CATSPERB: variants seen among roughly 807,000 people sequenced by gnomAD.
The protein encoded by CATSPERB is cation channel sperm-associated auxiliary subunit beta.
A neutral mutation model predicts 128.3 loss-of-function variants in CATSPERB; 93 were observed. That is an observed-to-expected ratio of 0.72 (90% CI 0.61 to 0.86). The LOEUF (loss-of-function observed/expected upper bound fraction) is 0.86, where lower values mean the gene tolerates loss of function less well. Among genes scored for constraint, CATSPERB ranks in the 40% least tolerant of loss-of-function variants. CATSPERB has a pLI of 0.00. For missense variants in CATSPERB, 1,153 were observed against 1,329.5 expected, an observed-to-expected ratio of 0.87 and a Z score of 2.06; for synonymous variants, 381 against 448.8, an observed-to-expected ratio of 0.85 and a Z score of 1.91.
At chr14:91,690,189 C>T (rs1428982638) in intron 10 of CATSPERB, among the ~76,000 whole-genome samples, 3 of 152,080 alleles carry the variant, frequency 2.0e-5, no homozygotes, top group East Asian at 1.9e-4. Context: ...GACAGCATTT[C>T]GTCATATTGG....
intron 3 of CATSPERB, among the ~76,000 whole-genome samples, chr14:91,724,327 C>CT (rs1316171893): frequency 2.6e-5 from 4 of 152,112 alleles, no homozygotes; most frequent in Non-Finnish European, 5.9e-5. Context: ...AAAGCCCATA[C>CT]TTTTTCCATA....
At chr14:91,642,998 G>A (rs1368614819) in intron 15 of CATSPERB, among the ~76,000 whole-genome samples, 8 of 118,802 alleles carry the variant, frequency 6.7e-5, no homozygotes, top group African/African-American at 2.7e-4. Context: ...TATTTGCATA[G>A]AGGTGTTTGT....
intron 14 of CATSPERB, among the ~76,000 whole-genome samples, chr14:91,664,074 C>G (rs895121659): frequency 2.0e-5 from 3 of 152,126 alleles, no homozygotes; most frequent in African/African-American, 7.2e-5. Context: ...TTTCACTGCC[C>G]TAAAAGTCCT....
chr14:91,641,402 T>C (rs1376000009), intron 15 of CATSPERB, among the ~76,000 whole-genome samples: 2 of 151,838 alleles, frequency 1.3e-5, no homozygotes, highest in African/African-American at 4.8e-5. Flanking sequence ...CCATCTTGAA[T>C]TGATTTTTGT....
chr14:91,684,893 A>G (rs2139840451), intron 10 of CATSPERB, among the ~76,000 whole-genome samples: 1 of 152,108 alleles, frequency 6.6e-6, no homozygotes, highest in South Asian at 2.1e-4. Flanking sequence ...CTGGCATTAT[A>G]GGTGTGAGCC....
rs11404420 is a variant in CATSPERB, at chr14:91,687,950, C to CAAA, written c.864+3570_864+3572dup. Among the ~76,000 whole-genome samples the CAAA allele has an allele frequency of 4.9e-3, 573 of 117,076 alleles. 10 individuals are homozygous for CAAA. The highest frequency in any genetic ancestry group is 0.014 in the African/African-American group (423 of 31,276). 76.8% of individuals were successfully genotyped at this position (117,076 alleles called of 152,430 possible). A position where few individuals can be genotyped will look rare whatever the true frequency, so the allele number is the denominator to read the frequency against. ...CCTGGGTGACAGAGGGAGAGTGTCT[C>CAAA]AAAAAAAAAAAAAAAAAATCCTTAT... On this transcript the variant is annotated intron_variant, in intron 10 of 26. Coordinates refer to ENST00000256343, the MANE Select transcript of CATSPERB (RefSeq NM_024764.4).
chr14:91,688,495 CA>C (rs1325880066), intron 10 of CATSPERB, among the ~76,000 whole-genome samples: 2 of 152,054 alleles, frequency 1.3e-5, no homozygotes, highest in Admixed American at 6.6e-5. Flanking sequence ...AATGTTCTTT[CA>C]TTTTTTTTTA....
chr14:91,697,838 C>T (rs1353782627), intron 7 of CATSPERB, among the ~76,000 whole-genome samples: 1 of 152,058 alleles, frequency 6.6e-6, no homozygotes, highest in Non-Finnish European at 1.5e-5. Flanking sequence ...GTTCTTTTTG[C>T]TTAGGATTGC....
chr14:91,615,544 G>C (rs1489100370), intron 20 of CATSPERB, among the ~76,000 whole-genome samples: 4 of 152,240 alleles, frequency 2.6e-5, no homozygotes, highest in African/African-American at 9.6e-5. Context: ...AGGATGTGTG[G>C]TATTTATCTT....
chr14:91,633,690 T>G (rs1188438116), intron 17 of CATSPERB, among the ~76,000 whole-genome samples: 3 of 151,922 alleles, frequency 2.0e-5, no homozygotes, highest in Non-Finnish European at 4.4e-5. Context: ...AAGGAAAAAA[T>G]TCTATAGATA....
intron 13 of CATSPERB, among the ~76,000 whole-genome samples, chr14:91,672,087 C>A (rs2139831188): frequency 6.6e-6 from 1 of 152,282 alleles, no homozygotes; most frequent in Non-Finnish European, 1.5e-5. Flanking sequence ...ATTTTAACCT[C>A]ATCACTGAGT....
intron 7 of CATSPERB, among the ~76,000 whole-genome samples, chr14:91,695,655 C>A (rs985672738): frequency 1.3e-5 from 2 of 152,142 alleles, no homozygotes; most frequent in African/African-American, 4.8e-5. Context: ...AGCTTTTATT[C>A]TATTGGCAAA....
At chr14:91,729,199 C>A (rs113151779) in intron 2 of CATSPERB, among the ~76,000 whole-genome samples, 1 of 152,000 alleles carries the variant, frequency 6.6e-6, no homozygotes, top group Non-Finnish European at 1.5e-5. Context: ...ATTAGCCAGG[C>A]GTGGTGGTGG....
chr14:91,695,987 G>A (rs184373542), intron 7 of CATSPERB, among the ~76,000 whole-genome samples: 31 of 152,310 alleles, frequency 2.0e-4, no homozygotes, highest in Admixed American at 1.8e-3. Context: ...ATACTGGAGA[G>A]AAACAGATTT....
rs367657126 is a variant in CATSPERB, at chr14:91,691,536, C to A, written c.851G>T (p.Cys284Phe). 19 of 1,604,184 alleles carry A rather than the reference C, an allele frequency of 1.2e-5. No homozygotes were observed. Among genetic ancestry groups the A allele is most frequent in the Non-Finnish European group, 1.6e-5 (19 of 1,175,114 alleles). ...AAAGCTTCTTACCCTTTCAAAACCA[C>A]AAAAGTCTGCCCTGGAAAACTAGAA... ...HSLSFSRADF[C>F]GFERVDYVKG... is the part of the protein sequence containing the mutation. The change falls in exon 10 of 27, where the codon TGT (cysteine) becomes TTT (phenylalanine). Residue 284 changes from cysteine to phenylalanine, a missense_variant. Transcript: ENST00000256343.
intron 17 of CATSPERB, among the ~76,000 whole-genome samples, chr14:91,627,300 A>G (rs554799677): frequency 6.6e-6 from 1 of 152,356 alleles, no homozygotes; most frequent in South Asian, 2.1e-4. Flanking sequence ...CAAAAGACAT[A>G]TAAAGGACTG....
intron 5 of CATSPERB, among the ~76,000 whole-genome samples, chr14:91,708,597 G>T (rs1895776782): frequency 1.3e-5 from 2 of 152,108 alleles, no homozygotes; most frequent in African/African-American, 4.8e-5. Flanking sequence ...AACAAAAAAA[G>T]CTTTTAAGGT....
intron 22 of CATSPERB, among the ~76,000 whole-genome samples, chr14:91,596,687 A>G (rs2139764529): frequency 6.6e-6 from 1 of 152,298 alleles, no homozygotes; most frequent in East Asian, 1.9e-4. Context: ...ACACTAAGTT[A>G]TATCAGAATT....
At chr14:91,612,968 C>T (rs1190380452) in intron 20 of CATSPERB, among the ~76,000 whole-genome samples, 1 of 152,082 alleles carries the variant, frequency 6.6e-6, no homozygotes, top group East Asian at 1.9e-4. Context: ...GATAAACAAC[C>T]ATATACTGTG....
Sources: allele counts gnomAD v4.1 joint callset (sites outside exome capture counted in the v4.1 genomes callset), GRCh38; gene constraint gnomAD v4.1.1; transcripts MANE v1.5; gene names NCBI Gene and HGNC (gene_info 2026-07-23, HGNC 2026-07-21).